Variants in UBQLN1 observed in about 807,000 individuals in gnomAD.
The protein encoded by UBQLN1 is ubiquilin 1.
In UBQLN1, 13 loss-of-function variants were observed where a neutral mutation model predicts 65.4. That is an observed-to-expected ratio of 0.20 (90% CI 0.13 to 0.32). The LOEUF (loss-of-function observed/expected upper bound fraction) is 0.32, where lower values mean the gene tolerates loss of function less well. UBQLN1 is among the 10% of genes least tolerant of loss of function. The pLI is 1.00. For missense variants in UBQLN1, 561 were observed against 724.0 expected (o/e 0.77, Z 2.58); for synonymous variants, 267 against 247.8 (o/e 1.08, Z -0.73).
At chr9:83,664,968 T>C in intron 9 of UBQLN1, 62 bp downstream of exon 9, 3 of 580,840 alleles carry the variant, frequency 5.2e-6, no homozygotes, top group African/African-American at 2.1e-5. Context: ...TAATACTAAA[T>C]CTGAAATTCT....
chr9:83,688,629 C>T (rs1006846408), intron 1 of UBQLN1, among the ~76,000 whole-genome samples: 8 of 151,696 alleles, frequency 5.3e-5, no homozygotes, highest in East Asian at 3.9e-4. Context: ...TCTGGGAGGC[C>T]GAGGCGGGCA....
intron 1 of UBQLN1, among the ~76,000 whole-genome samples, chr9:83,707,045 G>T (rs1832420837): frequency 6.6e-6 from 1 of 152,094 alleles, no homozygotes; most frequent in African/African-American, 2.4e-5. Flanking sequence ...ACCTTAACAA[G>T]CAGGCACGTA....
rs1434876855 is a variant in UBQLN1, at chr9:83,661,697, C to A, written c.*90G>T. On this transcript the variant is annotated 3_prime_UTR_variant, in exon 11 of 11. Coordinates refer to ENST00000376395, the MANE Select transcript of UBQLN1 (RefSeq NM_013438.5). ...GTTTGTTTATAACAGCACAGAATTC[C>A]AAGAGTCAAAATGAAATAAAGCAGG... 1.6e-5 allele frequency: 22 copies of A among 1,404,108 alleles called. No homozygotes were observed. The highest frequency in any genetic ancestry group is 1.9e-5 in the Non-Finnish European group (20 of 1,037,456). 87.0% of individuals were successfully genotyped at this position (1,404,108 alleles called of 1,614,324 possible).
chr9:83,660,474 C>A lies in UBQLN1; in HGVS notation c.*1313G>T, dbSNP rs1276503025. On this transcript the variant is annotated 3_prime_UTR_variant, in exon 11 of 11. Transcript: ENST00000376395. Reference sequence around the variant, plus strand: ...CCCAACAGTTTGGGAGTTAGGCAAACAGAATTCTTTGGGGGAGGGAAGAAA... The same window carrying A: ...CCCAACAGTTTGGGAGTTAGGCAAAAAGAATTCTTTGGGGGAGGGAAGAAA... 6.6e-6 allele frequency: 1 copy of A among 152,518 alleles called. No homozygotes were observed. Among genetic ancestry groups the A allele is most frequent in the African/African-American group, 2.4e-5 (1 of 41,392 alleles). 9.4% of individuals were successfully genotyped at this position (152,518 alleles called of 1,614,324 possible). A position where few individuals can be genotyped will look rare whatever the true frequency, so the allele number is the denominator to read the frequency against.
intron 1 of UBQLN1, among the ~76,000 whole-genome samples, chr9:83,706,868 G>C (rs1004632754): frequency 6.6e-6 from 1 of 152,190 alleles, no homozygotes; most frequent in African/African-American, 2.4e-5. Context: ...ATCAGTGAAA[G>C]AAAGTCATTC....
chr9:83,707,599 C>T lies in UBQLN1; in HGVS notation c.81G>A (p.Ala27=), dbSNP rs779067338. 1.2e-5 allele frequency: 19 copies of T among 1,599,282 alleles called. No homozygotes were observed. Among genetic ancestry groups the T allele is most frequent in the Admixed American group, 1.0e-4 (6 of 57,978 alleles). ...AAGAEGAGAP[A]AAASAEPKIM... ...TTTTGGGCTCCGCGGAGGCAGCGGC[C>T]GCGGGGGCGCCAGCACCTTCGGCTC... The change falls in exon 1 of 11, where the codon GCG becomes GCA. Residue 27 remains alanine (A), a synonymous_variant. Transcript: ENST00000376395.
chr9:83,664,226 G>A (rs748101454), intron 9 of UBQLN1, among the ~76,000 whole-genome samples, 183 bp from the exon 10 acceptor site: 5 of 152,102 alleles, frequency 3.3e-5, no homozygotes, highest in Non-Finnish European at 1.5e-5. Flanking sequence ...ATCAGCTTAG[G>A]CAACATTGTT....
chr9:83,684,486 C>A (rs1048563450), intron 2 of UBQLN1, among the ~76,000 whole-genome samples: 2 of 151,850 alleles, frequency 1.3e-5, no homozygotes, highest in African/African-American at 4.8e-5. Context: ...TGAGCCACCG[C>A]GCCTGGCCTG....
intron 7 of UBQLN1, chr9:83,668,705 G>T (rs772673311): frequency 1.0e-4 from 89 of 883,688 alleles, no homozygotes; most frequent in Non-Finnish European, 1.1e-4. Context: ...GGAATCAATA[G>T]TTGAAAGAAG....
chr9:83,689,534 A>G (rs1832092927), intron 1 of UBQLN1, among the ~76,000 whole-genome samples: 1 of 152,242 alleles, frequency 6.6e-6, no homozygotes, highest in South Asian at 2.1e-4. Flanking sequence ...ACTAAATTAG[A>G]CTACATATGC....
intron 10 of UBQLN1, among the ~76,000 whole-genome samples, chr9:83,662,246 ATGTG>A (rs1226640709): frequency 7.0e-6 from 1 of 143,772 alleles, no homozygotes; most frequent in African/African-American, 2.6e-5. Flanking sequence ...AAAAACCTGT[ATGTG>A]TGTGTGTATA....
At chr9:83,672,021 T>A (rs543708795) in intron 6 of UBQLN1, among the ~76,000 whole-genome samples, 7 of 152,242 alleles carry the variant, frequency 4.6e-5, no homozygotes, top group Non-Finnish European at 1.0e-4. Flanking sequence ...ACCTTTACAT[T>A]ATGGAGTTGG....
At chr9:83,696,337 CCAT>C (rs1486643505) in intron 1 of UBQLN1, among the ~76,000 whole-genome samples, 1 of 152,060 alleles carries the variant, frequency 6.6e-6, no homozygotes, top group East Asian at 1.9e-4. Flanking sequence ...TGTAATAATG[CCAT>C]CAGACACTTA....
intron 1 of UBQLN1, among the ~76,000 whole-genome samples, chr9:83,698,295 T>A (rs1193945043): frequency 1.3e-5 from 2 of 152,144 alleles, no homozygotes; most frequent in Non-Finnish European, 2.9e-5. Flanking sequence ...TGGAAGCACA[T>A]CCTGAAAGCT....
At chr9:83,693,582 A>C (rs79165801) in intron 1 of UBQLN1, among the ~76,000 whole-genome samples, 5,823 of 152,226 alleles carry the variant, frequency 0.038, 323 homozygotes, top group African/African-American at 0.13. Flanking sequence ...GAAGTTAGAA[A>C]ACCGTATCAA....
intron 1 of UBQLN1, among the ~76,000 whole-genome samples, chr9:83,706,579 T>C (rs1318615524): frequency 6.6e-6 from 1 of 152,236 alleles, no homozygotes; most frequent in Admixed American, 6.5e-5. Context: ...TCACGTTGTT[T>C]GCGATCTTCA....
intron 7 of UBQLN1, chr9:83,667,371 G>A: frequency 2.5e-6 from 1 of 392,954 alleles, no homozygotes; most frequent in Non-Finnish European, 3.5e-6. Flanking sequence ...GTCTGGGGAG[G>A]AAATGATCCT....
intron 1 of UBQLN1, among the ~76,000 whole-genome samples, chr9:83,706,835 T>A (rs1832416656): frequency 6.6e-6 from 1 of 152,178 alleles, no homozygotes; most frequent in Admixed American, 6.5e-5. Context: ...ATGATAAACA[T>A]ACTAAAAGGG....
chr9:83,668,508 G>A (rs2811929), intron 7 of UBQLN1: 631,244 of 985,016 alleles, frequency 0.64, 204,428 homozygotes, highest in East Asian at 0.88. Context: ...AAGGGTTATC[G>A]GACGCAATTA....
Sources: gnomAD v4.1 joint callset for allele counts (sites outside exome capture counted in the v4.1 genomes callset) on GRCh38, gnomAD v4.1.1 for gene constraint, MANE v1.5 for transcripts, NCBI Gene and HGNC (gene_info 2026-07-23, HGNC 2026-07-21) for gene names.